PAK2: variants seen among roughly 807,000 people sequenced by gnomAD.
PAK2 encodes the protein p21 (RAC1) activated kinase 2, also known as serine/threonine-protein kinase PAK 2.
Under a neutral mutation model 65.9 loss-of-function variants are expected in PAK2, and 21 were observed. The ratio of observed to expected loss-of-function variants is 0.32; its 90% CI spans 0.23 to 0.46. The LOEUF (loss-of-function observed/expected upper bound fraction) is 0.46, where lower values mean the gene tolerates loss of function less well. Ranked by LOEUF, PAK2 falls within the 20% of genes least tolerant of loss-of-function variation. PAK2 has a pLI of 1.00. For synonymous variants in PAK2, 204 were observed against 219.7 expected (o/e 0.93, Z 0.63); for missense variants, 324 against 642.6 (o/e 0.50, Z 5.36).
intron 7 of PAK2, 198 bp downstream of exon 7, chr3:196,808,112 G>T (rs1428013938): frequency 1.3e-5 from 6 of 456,962 alleles, no homozygotes; most frequent in Non-Finnish European, 1.5e-5. Context: ...TAGGTCAGGA[G>T]ATCAAGACCA....
intron 1 of PAK2, among the ~76,000 whole-genome samples, chr3:196,745,861 A>G (rs1713360840): frequency 6.6e-6 from 1 of 151,488 alleles, no homozygotes; most frequent in Non-Finnish European, 1.5e-5. Flanking sequence ...TTTTCTGTTC[A>G]TTGGTATTTT....
intron 11 of PAK2, among the ~76,000 whole-genome samples, 191 bp downstream of exon 11, chr3:196,814,759 A>G (rs1443999764): frequency 1.3e-5 from 2 of 152,162 alleles, no homozygotes; most frequent in African/African-American, 4.8e-5. Flanking sequence ...CAGGTATAAG[A>G]TAATTTGGGA....
At chr3:196,745,201 G>T (rs1399523913) in intron 1 of PAK2, among the ~76,000 whole-genome samples, 7 of 148,324 alleles carry the variant, frequency 4.7e-5, no homozygotes, top group Admixed American at 4.1e-4. Flanking sequence ...TGCAACTTCC[G>T]CCTCCCGGGT....
chr3:196,756,962 A>G (rs2108715974), intron 1 of PAK2, among the ~76,000 whole-genome samples: 1 of 152,354 alleles, frequency 6.6e-6, no homozygotes, highest in South Asian at 2.1e-4. Flanking sequence ...CGCAGATGGA[A>G]CAATGGTGAG....
chr3:196,797,689 T>G (rs544944588), intron 2 of PAK2, among the ~76,000 whole-genome samples: 2 of 151,972 alleles, frequency 1.3e-5, no homozygotes, highest in East Asian at 3.9e-4. Flanking sequence ...AGGCGGAGGT[T>G]GCAGTGAACC....
intron 2 of PAK2, among the ~76,000 whole-genome samples, chr3:196,799,980 T>C (rs1191367857): frequency 6.6e-6 from 1 of 152,234 alleles, no homozygotes; most frequent in Non-Finnish European, 1.5e-5. Context: ...ACCGAACGGA[T>C]GAAGACAACT....
At position 196,820,869 on chromosome 3, in the gene PAK2, C is replaced by CCA. The variant is rs1323191351; in HGVS notation, c.1350+304_1350+305dup. On this transcript the variant is annotated intron_variant, in intron 13 of 14. Coordinates refer to ENST00000327134, the MANE Select transcript of PAK2 (RefSeq NM_002577.4). The surrounding 1 kb of genome is among the most constrained non-coding windows in gnomAD (Gnocchi z 4.6). ...TTTTAAGATGTTTTGAGACAGGGTC[C>CCA]CACTCTCTTGCCTATTCTAGAATGC... Among the ~76,000 whole-genome samples the CCA allele has an allele frequency of 6.6e-6, 1 of 151,972 alleles. No individual in the cohort carries two copies. The highest frequency in any genetic ancestry group is 1.5e-5 in the Non-Finnish European group (1 of 67,988).
chr3:196,745,320 T>C (rs1713340355), intron 1 of PAK2, among the ~76,000 whole-genome samples: 2 of 141,374 alleles, frequency 1.4e-5, no homozygotes, highest in African/African-American at 5.4e-5. Context: ...GACGGGGTTT[T>C]GCTATGTTGG....
intron 14 of PAK2, 77 bp downstream of exon 14, chr3:196,827,410 T>A: frequency 6.5e-7 from 1 of 1,545,036 alleles, no homozygotes; most frequent in Admixed American, 2.1e-5. Context: ...CTAGGGCTAA[T>A]AAGTAGATTT....
chr3:196,823,832 A>G (rs1032421889), intron 13 of PAK2, among the ~76,000 whole-genome samples: 1 of 151,880 alleles, frequency 6.6e-6, no homozygotes, highest in African/African-American at 2.4e-5. Context: ...AAAAAGAAAA[A>G]AACACCTTGG....
Position 196,812,918 on chromosome 3 carries a change from G to C in PAK2, c.935+67G>C, listed in dbSNP as rs570685125. 442 of 717,708 alleles carry C rather than the reference G, an allele frequency of 6.2e-4. 1 individual carries two copies. Among genetic ancestry groups the C allele is most frequent in the Non-Finnish European group, 2.3e-4 (92 of 407,868 alleles). 44.5% of individuals were successfully genotyped at this position (717,708 alleles called of 1,614,324 possible). On this transcript the variant is annotated intron_variant, in intron 10 of 14. Transcript: ENST00000327134. ...AATTTTAAGTCTCATGGTTTCGGGGGTGGGGCTGGCCACTTTGGAATAAAC... is the reference window on the plus strand; with the variant it reads ...AATTTTAAGTCTCATGGTTTCGGGGCTGGGGCTGGCCACTTTGGAATAAAC...
At chr3:196,763,761 G>A (rs573639738) in intron 1 of PAK2, among the ~76,000 whole-genome samples, 152 of 152,206 alleles carry the variant, frequency 1.0e-3, no homozygotes, top group African/African-American at 3.2e-3. Flanking sequence ...GAAAGGAAAG[G>A]CACTCAGATC....
intron 9 of PAK2, 80 bp from the exon 10 acceptor site, chr3:196,812,659 G>C: frequency 1.5e-6 from 1 of 686,310 alleles, no homozygotes; most frequent in Non-Finnish European, 2.6e-6. Flanking sequence ...CACGTACCGT[G>C]AGTTATCAAC....
intron 3 of PAK2, 48 bp downstream of exon 3, chr3:196,802,075 C>CA (rs1425199525): frequency 3.2e-6 from 3 of 932,324 alleles, no homozygotes; most frequent in African/African-American, 3.3e-5. Context: ...AAATAGCACT[C>CA]AAACATTTTC....
rs1560113651 is a variant in PAK2 at position 196,811,233 on chromosome 3, CCCTT to C, written c.773+587_773+590del. On this transcript the variant is annotated intron_variant, in intron 8 of 14. Transcript: ENST00000327134. ...TTCCCTTCCCTCCCTCCCTTCCCTT[CCCTT>C]CCTTCCCTCCCTCCCCTCCCTCCCT... Among the ~76,000 whole-genome samples the C allele has an allele frequency of 1.1e-3, 33 of 29,616 alleles. 10 individuals are homozygous for C. The highest frequency in any genetic ancestry group is 2.2e-3 in the African/African-American group (20 of 9,150). The allele number at this position is 29,616 out of a possible 152,430, so 19.4% of individuals were successfully genotyped here.
chr3:196,825,780 G>A (rs897145473), intron 13 of PAK2, among the ~76,000 whole-genome samples: 5 of 152,172 alleles, frequency 3.3e-5, no homozygotes, highest in African/African-American at 1.2e-4. Context: ...ATTTACTTAA[G>A]CCATTACAGT....
In PAK2 at chr3:196,814,588, G is replaced by T. The variant is rs376460000; in HGVS notation, c.1053+20G>T. On this transcript the variant is annotated intron_variant, in intron 11 of 14. Coordinates refer to ENST00000327134, the MANE Select transcript of PAK2 (RefSeq NM_002577.4). ...AGAGAGGTAGGTTTGCCTCCTTCTT[G>T]ATATGTTATGGTGATATGTGGTTAG... is the stretch of plus-strand genomic sequence containing the variant. 1.1e-6 allele frequency: 1 copy of T among 946,664 alleles called. No homozygotes were observed. Among genetic ancestry groups the T allele is most frequent in the African/African-American group, 1.6e-5 (1 of 62,002 alleles). The allele number at this position is 946,664 out of a possible 1,614,324, so 58.6% of individuals were successfully genotyped here.
chr3:196,782,517 A>G (rs1714748352), intron 1 of PAK2, 109 bp from the exon 2 acceptor site: 1 of 612,010 alleles, frequency 1.6e-6, no homozygotes, highest in East Asian at 2.7e-5. Flanking sequence ...GTCACTATAA[A>G]TGGATAATAT....
At chr3:196,773,120 C>A (rs1384103195) in intron 1 of PAK2, among the ~76,000 whole-genome samples, 1 of 152,098 alleles carries the variant, frequency 6.6e-6, no homozygotes. Flanking sequence ...GTGTTTGAGT[C>A]GTGTCACAGT....
Sources: gnomAD v4.1 joint callset for allele counts (sites outside exome capture counted in the v4.1 genomes callset) on GRCh38, gnomAD v4.1.1 for gene constraint, Gnocchi (gnomAD v3.1) non-coding constraint, MANE v1.5 for transcripts, NCBI Gene and HGNC (gene_info 2026-07-23, HGNC 2026-07-21) for gene names.